The following NEU3 variants were observed in gnomAD, a reference collection of about 807,000 sequenced individuals.
The protein encoded by NEU3 is sialidase-3.
Under a neutral mutation model 11.4 loss-of-function variants are expected in NEU3, and 10 were observed. The ratio of observed to expected loss-of-function variants is 0.88; its 90% CI spans 0.54 to 1.49. The LOEUF (loss-of-function observed/expected upper bound fraction) is 1.49. NEU3 is among the 40% of genes most tolerant of loss of function. The pLI is 0.00. For missense variants in NEU3, 529 were observed against 581.8 expected, an observed-to-expected ratio of 0.91 and a Z score of 0.93; for synonymous variants, 212 against 228.2, an observed-to-expected ratio of 0.93 and a Z score of 0.64.
chr11:74,982,550 T>C, the NEU3 span, among the ~76,000 whole-genome samples: 4 of 150,536 alleles, frequency 2.7e-5, no homozygotes, highest in Admixed American at 2.6e-4. Flanking sequence ...CTGATCCCTC[T>C]CTCTCTACAG....
chr11:75,009,105 T>TC lies in NEU3; in HGVS notation c.*2615dup, dbSNP rs1401620051. 1.3e-5 allele frequency: 2 copies of TC among 152,168 alleles called. No individual in the cohort carries two copies. The highest frequency in any genetic ancestry group is 2.9e-5 in the Non-Finnish European group (2 of 68,114). 9.4% of individuals were successfully genotyped at this position (152,168 alleles called of 1,614,324 possible). A position where few individuals can be genotyped will look rare whatever the true frequency, so the allele number is the denominator to read the frequency against. ...AAAAGGGGGTTGGGAACAGGGGAAA[T>TC]CCAGAATAAAGACTTGAGAAAGGAA... On this transcript the variant is annotated 3_prime_UTR_variant, in exon 3 of 3. Transcript: ENST00000294064.
intron 3 of NEU3, among the ~76,000 whole-genome samples, chr11:75,017,483 C>T (rs192685842): frequency 2.5e-4 from 38 of 152,200 alleles, no homozygotes; most frequent in African/African-American, 8.4e-4. Flanking sequence ...GAGTGGAGCT[C>T]CCAGCCCTTG....
rs571810911 is a variant in NEU3, at chr11:74,992,073, T to C, written c.95-2436T>C. Among the ~76,000 whole-genome samples the C allele has an allele frequency of 8.0e-4, 122 of 152,260 alleles. 2 individuals carry two copies. Among genetic ancestry groups the C allele is most frequent in the African/African-American group, 2.3e-3 (94 of 41,556 alleles). ...GGAGTTGACAGAGAAACCTTCCTGA[T>C]TGGATGATGTTTGAGCAGAGCTGAA... On this transcript the variant is annotated intron_variant, in intron 1 of 2. Transcript: ENST00000294064.
chr11:74,986,383 CTG>C (rs751547552), upstream of NEU3, among the ~76,000 whole-genome samples: 3 of 152,176 alleles, frequency 2.0e-5, no homozygotes, highest in African/African-American at 7.2e-5. Context: ...TCTAAAGCGA[CTG>C]TACCAATTTA....
intron 2 of NEU3, 135 bp downstream of exon 2, chr11:74,994,855 A>C: frequency 1.2e-6 from 1 of 809,810 alleles, no homozygotes; most frequent in Non-Finnish European, 2.1e-6. Context: ...AAACAGCAAA[A>C]ACAATGGCTC....
chr11:75,019,128 A>G (rs892938503), downstream of NEU3, among the ~76,000 whole-genome samples: 46 of 152,358 alleles, frequency 3.0e-4, no homozygotes, highest in African/African-American at 1.1e-3. Context: ...TGTTAAAGGC[A>G]TTCAATTTTA....
chr11:75,001,641 T>C (rs1948845248), intron 2 of NEU3, among the ~76,000 whole-genome samples: 1 of 152,218 alleles, frequency 6.6e-6, no homozygotes, highest in African/African-American at 2.4e-5. Flanking sequence ...ACCTGTTTTA[T>C]CTCTGTCAAG....
chr11:75,015,153 G>C (rs1215343614), downstream of NEU3, among the ~76,000 whole-genome samples: 2 of 152,098 alleles, frequency 1.3e-5, no homozygotes, highest in Non-Finnish European at 2.9e-5. Context: ...GAGGTGATGA[G>C]GTCATGAGGG....
At chr11:74,984,877 A>C (rs2140226896), upstream of NEU3, among the ~76,000 whole-genome samples, 1 of 152,280 alleles carries the variant, frequency 6.6e-6, no homozygotes, top group East Asian at 1.9e-4. Context: ...AGGTCCTCAT[A>C]CAGGAAGTGA....
In NEU3 at chr11:74,989,104, C is replaced by T. The variant is rs997226118; in HGVS notation, c.44C>T (p.Pro15Leu). The change falls in exon 1 of 3, where the codon CCG becomes CTG. Residue 15 changes from proline to leucine, a missense_variant. Coordinates refer to ENST00000294064, the MANE Select transcript of NEU3 (RefSeq NM_006656.6). ...CCCCCGCGCCCCATGGAAGAATCCC[C>T]GGCGTCCAGCTCTGCCCCGACAGAG... is the stretch of plus-strand genomic sequence containing the variant. ...DLPPRPMEES[P>L]ASSSAPTETE... The T allele has an allele frequency of 4.5e-6, 7 of 1,550,746 alleles. No homozygotes were observed. The African/African-American group carries it at 6.9e-5, about 15-fold the overall frequency.
At chr11:75,011,294 C>T (rs1337501351), downstream of NEU3, among the ~76,000 whole-genome samples, 1 of 152,180 alleles carries the variant, frequency 6.6e-6, no homozygotes, top group African/African-American at 2.4e-5. Context: ...TATTTATTAA[C>T]AGCCAAATCA....
At chr11:74,999,015 A>G (rs1425666748) in intron 2 of NEU3, among the ~76,000 whole-genome samples, 2 of 152,110 alleles carry the variant, frequency 1.3e-5, no homozygotes, top group East Asian at 1.9e-4. Context: ...GACAACTTCT[A>G]TGTTGCCTAG....
chr11:74,982,240 A>G, the NEU3 span, among the ~76,000 whole-genome samples: 2 of 152,080 alleles, frequency 1.3e-5, no homozygotes, highest in Non-Finnish European at 2.9e-5. Flanking sequence ...TATGGCCTAC[A>G]CCCCCAAAAG....
At chr11:74,992,462 T>C (rs999302620) in intron 1 of NEU3, among the ~76,000 whole-genome samples, 8 of 152,218 alleles carry the variant, frequency 5.3e-5, no homozygotes, top group African/African-American at 1.9e-4. Context: ...CCTGATAATA[T>C]TTACAAATGA....
intron 1 of NEU3, among the ~76,000 whole-genome samples, chr11:74,992,508 G>A (rs1948744008): frequency 6.6e-6 from 1 of 152,142 alleles, no homozygotes; most frequent in Non-Finnish European, 1.5e-5. Context: ...GTTGGTTTGA[G>A]GAAAAAGTAA....
At chr11:75,019,173 G>T (rs1948992470), downstream of NEU3, among the ~76,000 whole-genome samples, 1 of 152,202 alleles carries the variant, frequency 6.6e-6, no homozygotes, top group Admixed American at 6.5e-5. Flanking sequence ...CAGAAAATTT[G>T]CAGCCTGACA....
At chr11:75,019,375 G>T (rs1218502479), downstream of NEU3, among the ~76,000 whole-genome samples, 1 of 152,192 alleles carries the variant, frequency 6.6e-6, no homozygotes, top group Non-Finnish European at 1.5e-5. Context: ...ATGGTTTCAT[G>T]GGCTGGGCCC....
intron 1 of NEU3, among the ~76,000 whole-genome samples, chr11:74,992,867 G>A (rs1948747277): frequency 6.6e-6 from 1 of 152,168 alleles, no homozygotes; most frequent in East Asian, 1.9e-4. Context: ...GGCTGAAGCA[G>A]GGGAGTTGCT....
chr11:75,001,416 A>T (rs1459243616), intron 2 of NEU3, among the ~76,000 whole-genome samples: 1 of 151,500 alleles, frequency 6.6e-6, no homozygotes, highest in Non-Finnish European at 1.5e-5. Context: ...AGTAGCTGGG[A>T]CTACAGGTGT....
Sources: allele counts gnomAD v4.1 joint callset (sites outside exome capture counted in the v4.1 genomes callset), GRCh38; gene constraint gnomAD v4.1.1; transcripts MANE v1.5; gene names NCBI Gene and HGNC (gene_info 2026-07-23, HGNC 2026-07-21).